Variants in DIP2C observed in about 807,000 individuals in gnomAD.
DIP2C encodes the protein DIP2 acetate--CoA ligase C (putative), also known as disco-interacting protein 2 homolog C.
A neutral mutation model predicts 192.4 loss-of-function variants in DIP2C; 33 were observed. That is an observed-to-expected ratio of 0.17 (90% CI 0.13 to 0.23). The LOEUF is 0.23. DIP2C is among the 10% of genes least tolerant of loss of function. The pLI is 1.00. For synonymous variants in DIP2C, 979 were observed against 864.1 expected (o/e 1.13, Z -2.33); for missense variants, 1,537 against 2,110.1 (o/e 0.73, Z 5.32).
intron 22 of DIP2C, 75 bp downstream of exon 22, chr10:362,415 C>T: frequency 2.0e-6 from 3 of 1,514,032 alleles, no homozygotes; most frequent in East Asian, 4.6e-5. Context: ...CCTGGGTGAA[C>T]TCCCGCACCT....
intron 32 of DIP2C, among the ~76,000 whole-genome samples, chr10:305,972 A>ATATATATAT (rs1956296516): frequency 6.8e-6 from 1 of 146,288 alleles, no homozygotes; most frequent in African/African-American, 2.6e-5. Flanking sequence ...AATGCAGACA[A>ATATATATAT]ATATATATAT....
chr10:346,492 C>T (rs1182541449), intron 26 of DIP2C, among the ~76,000 whole-genome samples: 3 of 78,122 alleles, frequency 3.8e-5, no homozygotes, highest in Admixed American at 2.7e-4. Flanking sequence ...CCCGGAAACC[C>T]CACACGCACC....
chr10:392,107 T>C (rs1044470241), intron 10 of DIP2C, among the ~76,000 whole-genome samples: 16 of 152,182 alleles, frequency 1.1e-4, no homozygotes, highest in Non-Finnish European at 1.6e-4. Flanking sequence ...TTCACACAGA[T>C]GCTGCTTGCT....
intron 1 of DIP2C, among the ~76,000 whole-genome samples, chr10:567,188 G>A (rs973453526): frequency 7.7e-6 from 1 of 129,310 alleles, no homozygotes; most frequent in Non-Finnish European, 1.5e-5. Flanking sequence ...GGGGTTTTTT[G>A]TTTTGTTTTG....
intron 17 of DIP2C, among the ~76,000 whole-genome samples, chr10:377,223 A>C (rs1181083711): frequency 6.6e-6 from 1 of 152,024 alleles, no homozygotes; most frequent in Non-Finnish European, 1.5e-5. Flanking sequence ...CACTATATAA[A>C]CTTTTTTACA....
At chr10:461,891 C>T (rs1969810016) in intron 3 of DIP2C, among the ~76,000 whole-genome samples, 1 of 152,160 alleles carries the variant, frequency 6.6e-6, no homozygotes, top group Non-Finnish European at 1.5e-5. Flanking sequence ...CAAAACTGCA[C>T]AAATACATGG....
intron 1 of DIP2C, among the ~76,000 whole-genome samples, chr10:507,773 C>T (rs114943495): frequency 0.014 from 2,105 of 152,282 alleles, 48 homozygotes; most frequent in African/African-American, 0.047. Context: ...CAGCCCAGTG[C>T]CCATGTCCCA....
At chr10:316,412 C>T (rs1956776094) in intron 31 of DIP2C, among the ~76,000 whole-genome samples, 1 of 152,216 alleles carries the variant, frequency 6.6e-6, no homozygotes, top group Admixed American at 6.5e-5. Flanking sequence ...AGGAGACCTT[C>T]CACCCACTTT....
chr10:511,198 G>T (rs538519383), intron 1 of DIP2C, among the ~76,000 whole-genome samples: 1 of 152,306 alleles, frequency 6.6e-6, no homozygotes, highest in South Asian at 2.1e-4. Flanking sequence ...CCAGCAGGGG[G>T]CAGGAGAGAG....
chr10:549,190 T>C (rs1848463679), intron 1 of DIP2C, among the ~76,000 whole-genome samples: 1 of 152,104 alleles, frequency 6.6e-6, no homozygotes. Context: ...AACTGCTAAG[T>C]GCGATAAAGT....
rs889326616 is a variant in DIP2C, at chr10:631,543, C to T, written c.85+57951G>A. ...CTGTGGGCAGGGTAGCACCTCTGGG[C>T]GCCAACACTCTTAACATGTTTTTTT... On this transcript the variant is annotated intron_variant, in intron 1 of 36. Coordinates refer to ENST00000280886, the MANE Select transcript of DIP2C (RefSeq NM_014974.3). 7.2e-5 allele frequency among the ~76,000 whole-genome samples: 11 copies of T among 152,210 alleles called. No homozygotes were observed. The East Asian group carries it at 1.9e-3, about 27-fold the overall frequency.
At position 274,986 on chromosome 10, in the gene DIP2C, C is replaced by T. The variant is rs1954436766; in HGVS notation, c.*2339G>A. On this transcript the variant is annotated 3_prime_UTR_variant, in exon 37 of 37. Coordinates refer to ENST00000280886, the MANE Select transcript of DIP2C (RefSeq NM_014974.3). ...TTCTCTTGCACAACCAAATTTCAAT[C>T]TCAGTCCACCAACTCTTTTGAGCCT... 6.6e-6 allele frequency: 1 copy of T among 152,228 alleles called. No homozygotes were observed. The highest frequency in any genetic ancestry group is 2.4e-5 in the African/African-American group (1 of 41,450). The allele number at this position is 152,228 out of a possible 1,614,324, so 9.4% of individuals were successfully genotyped here.
At chr10:517,235 T>C (rs1846419780) in intron 1 of DIP2C, among the ~76,000 whole-genome samples, 2 of 152,164 alleles carry the variant, frequency 1.3e-5, no homozygotes, top group Non-Finnish European at 2.9e-5. Context: ...AATCAAACCT[T>C]GCTGTCCTTG....
intron 1 of DIP2C, among the ~76,000 whole-genome samples, chr10:540,637 G>C (rs1847929837): frequency 1.3e-5 from 2 of 152,222 alleles, no homozygotes; most frequent in African/African-American, 4.8e-5. Flanking sequence ...GGTGATCGTG[G>C]CATGACAGTG....
chr10:689,493 C>A lies in DIP2C; in HGVS notation c.85+1G>T. 8.0e-7 allele frequency: 1 copy of A among 1,256,166 alleles called. No homozygotes were observed. The highest frequency in any genetic ancestry group is 1.0e-6 in the Non-Finnish European group (1 of 981,434). 77.8% of individuals were successfully genotyped at this position (1,256,166 alleles called of 1,614,324 possible). A position where few individuals can be genotyped will look rare whatever the true frequency, so the allele number is the denominator to read the frequency against. ...CCGGCCCGGGGCGGGGGCCCGGTTA[C>A]CTTCCGACAGCTCCAGCTCCAGCTC... is the stretch of plus-strand genomic sequence containing the variant. On this transcript the variant is annotated splice_donor_variant, in intron 1 of 36. Coordinates refer to ENST00000280886, the MANE Select transcript of DIP2C (RefSeq NM_014974.3). LOFTEE classifies it high-confidence loss of function. The surrounding 1 kb of genome is among the most constrained non-coding windows in gnomAD (Gnocchi z 6.1).
Position 423,486 on chromosome 10 carries a change from GGT to G in DIP2C, c.395-455_395-454del, listed in dbSNP as rs533695636. Among the ~76,000 whole-genome samples, 134 of 152,244 alleles carry G rather than the reference GGT, an allele frequency of 8.8e-4. 2 individuals carry two copies. The Middle Eastern group carries it at 0.017, about 19-fold the overall frequency. On this transcript the variant is annotated intron_variant, in intron 4 of 36. Transcript: ENST00000280886. ...TGGGCTCTGATTTTTCTACTACATC[GGT>G]GTGTTAGATACCCATGCAGCTGATT...
intron 31 of DIP2C, among the ~76,000 whole-genome samples, chr10:315,991 C>T (rs1273998479): frequency 6.6e-6 from 1 of 152,012 alleles, no homozygotes; most frequent in Admixed American, 6.6e-5. Context: ...TTTTCATTTC[C>T]AGCATTTCCA....
At chr10:375,697 C>CA (rs1961485085) in intron 17 of DIP2C, among the ~76,000 whole-genome samples, 1 of 152,140 alleles carries the variant, frequency 6.6e-6, no homozygotes, top group Admixed American at 6.5e-5. Flanking sequence ...CTCCTGACCA[C>CA]AAGCAGAGCC....
intron 32 of DIP2C, among the ~76,000 whole-genome samples, chr10:296,048 A>C (rs1283993448): frequency 6.6e-6 from 1 of 152,104 alleles, no homozygotes; most frequent in East Asian, 1.9e-4. Context: ...TGATTGCAAA[A>C]ATTTTCTCCC....
Sources: gnomAD v4.1 joint callset for allele counts (sites outside exome capture counted in the v4.1 genomes callset) on GRCh38, gnomAD v4.1.1 for gene constraint, Gnocchi (gnomAD v3.1) non-coding constraint, MANE v1.5 for transcripts, NCBI Gene and HGNC (gene_info 2026-07-23, HGNC 2026-07-21) for gene names.